The following EXOSC8 variants were observed in gnomAD, a reference collection of about 807,000 sequenced individuals.
The protein encoded by EXOSC8 is exosome component 8.
EXOSC8 carries 37 observed loss-of-function variants against 39.9 expected under a neutral mutation model. That is an observed-to-expected ratio of 0.93 (90% CI 0.71 to 1.22). EXOSC8 has a LOEUF of 1.22. EXOSC8 is among the 50% of genes most tolerant of loss of function. The pLI, the probability that EXOSC8 is intolerant of heterozygous loss-of-function variation, is 0.00. For synonymous variants in EXOSC8, 93 were observed against 109.5 expected, an observed-to-expected ratio of 0.85 and a Z score of 0.94; for missense variants, 313 against 326.6, an observed-to-expected ratio of 0.96 and a Z score of 0.32.
chr13:37,007,813 A>T lies in EXOSC8; in HGVS notation c.488-244A>T, dbSNP rs554202866. Among the ~76,000 whole-genome samples the T allele has an allele frequency of 1.3e-3, 198 of 151,788 alleles. 1 individual carries two copies. The highest frequency in any genetic ancestry group is 4.6e-3 in the African/African-American group (192 of 41,412). Reference sequence around the variant, plus strand: ...AACAGTACCTGGCAGATATAAATTTAAAAAAAAATCATTGACTTCTTAAAC... The same window carrying T: ...AACAGTACCTGGCAGATATAAATTTTAAAAAAAATCATTGACTTCTTAAAC... On this transcript the variant is annotated intron_variant, in intron 8 of 10. Transcript: ENST00000389704.
intron 3 of EXOSC8, 34 bp from the exon 4 acceptor site, chr13:37,002,900 T>C: frequency 6.8e-7 from 1 of 1,472,018 alleles, no homozygotes; most frequent in Non-Finnish European, 9.5e-7. Flanking sequence ...GCTGTTTTCC[T>C]TTTATGAACC....
chr13:37,004,223 A>C (rs1003039792), intron 4 of EXOSC8: 2 of 269,388 alleles, frequency 7.4e-6, no homozygotes, highest in Non-Finnish European at 1.4e-5. Flanking sequence ...TTGCTCTATC[A>C]TCTGGAGAAC....
chr13:37,002,415 G>C, intron 2 of EXOSC8, 73 bp from the exon 3 acceptor site: 2 of 1,331,716 alleles, frequency 1.5e-6, no homozygotes, highest in South Asian at 2.5e-5. Context: ...TTTAATGTGT[G>C]TGTAAAACTT....
At chr13:37,008,932 T>G in intron 10 of EXOSC8, 97 bp downstream of exon 10, 1 of 805,582 alleles carries the variant, frequency 1.2e-6, no homozygotes, top group Non-Finnish European at 2.1e-6. Context: ...GATATTTTAT[T>G]TACCTAATTT....
In EXOSC8 at chr13:37,008,750, T is replaced by C; in HGVS notation, c.630T>C (p.Pro210=). ...ATAGCACTTTGCTTATAGTTGACCC[T>C]ACTGGAGAGGAGGAACATCTGGCAA... is the stretch of plus-strand genomic sequence containing the variant. ...VFDDTLLIVD[P]TGEEEHLATG... is the part of the protein sequence containing the mutation. Residue 210 remains proline (P), a synonymous_variant, in exon 10 of 11, where the codon CCT becomes CCC. Transcript: ENST00000389704. 6.2e-7 allele frequency: 1 copy of C among 1,611,688 alleles called. No individual in the cohort carries two copies. Among genetic ancestry groups the C allele is most frequent in the South Asian group, 1.1e-5 (1 of 91,022 alleles).
chr13:37,007,901 T>C (rs1041237703), intron 8 of EXOSC8, among the ~76,000 whole-genome samples, 156 bp from the exon 9 acceptor site: 1 of 152,010 alleles, frequency 6.6e-6, no homozygotes, highest in African/African-American at 2.4e-5. Context: ...AAGCAATGTA[T>C]ATCCTCTATA....
chr13:37,000,884 T>A, intron 1 of EXOSC8, 62 bp downstream of exon 1: 1 of 1,437,604 alleles, frequency 7.0e-7, no homozygotes, highest in South Asian at 1.4e-5. Context: ...TTCCTTTAAC[T>A]CTTAGCTGGG....
In EXOSC8 at chr13:37,009,603, G is replaced by T; in HGVS notation, c.*304G>T. The T allele has an allele frequency of 6.3e-7, 1 of 1,587,336 alleles. No individual in the cohort carries two copies. Among genetic ancestry groups the T allele is most frequent in the Non-Finnish European group, 8.6e-7 (1 of 1,156,998 alleles). ...ACTGACACATTAAAAAAAACAAAAA[G>T]TAGAAACTCAATTCTTTTGATTCAG... is the stretch of plus-strand genomic sequence containing the variant. On this transcript the variant is annotated 3_prime_UTR_variant, in exon 11 of 11. Coordinates refer to ENST00000389704, the MANE Select transcript of EXOSC8 (RefSeq NM_181503.3).
rs2059219051 is a variant in EXOSC8, at chr13:37,009,530, A to G, written c.*231A>G. 3.8e-6 allele frequency: 4 copies of G among 1,061,606 alleles called. No homozygotes were observed. Among genetic ancestry groups the G allele is most frequent in the Non-Finnish European group, 4.2e-6 (3 of 711,020 alleles). The allele number at this position is 1,061,606 out of a possible 1,614,324, so 65.8% of individuals were successfully genotyped here. ...ATTTCCCTGTTTTTATTTAAAAATG[A>G]TAAGGTTGTGCTTCTGTATAAAGTT... On this transcript the variant is annotated 3_prime_UTR_variant, in exon 11 of 11. Transcript: ENST00000389704.
At chr13:37,003,338 A>G (rs1287990134) in intron 4 of EXOSC8, 6 of 208,298 alleles carry the variant, frequency 2.9e-5, no homozygotes. Context: ...ATGTGTAGAA[A>G]ATTGAAATTG....
In EXOSC8 at chr13:37,004,347, CCTT is replaced by C. The variant is rs2059124987; in HGVS notation, c.193-165_193-163del. 23 of 583,384 alleles carry C rather than the reference CCTT, an allele frequency of 3.9e-5. No homozygotes were observed. The East Asian group carries it at 6.3e-4, about 16-fold the overall frequency. The allele number at this position is 583,384 out of a possible 1,614,324, so 36.1% of individuals were successfully genotyped here. A position where few individuals can be genotyped will look rare whatever the true frequency, so the allele number is the denominator to read the frequency against. On this transcript the variant is annotated intron_variant, in intron 4 of 10. Coordinates refer to ENST00000389704, the MANE Select transcript of EXOSC8 (RefSeq NM_181503.3). ...TAGTGTAGTCCACTGTACTGTAGTG[CCTT>C]CTTATCTTGTAGAGCTATTGTGAGG...
intron 3 of EXOSC8, 61 bp from the exon 4 acceptor site, chr13:37,002,873 A>G (rs983402870): frequency 4.6e-6 from 5 of 1,087,736 alleles, no homozygotes; most frequent in Non-Finnish European, 7.1e-6. Flanking sequence ...TTTAATTATT[A>G]TGTGGATAAT....
intron 1 of EXOSC8, 79 bp from the exon 2 acceptor site, chr13:37,002,194 C>T (rs1593697202): frequency 9.1e-7 from 1 of 1,100,180 alleles, no homozygotes; most frequent in East Asian, 2.4e-5. Context: ...CATCACCACA[C>T]TTAAGATCTT....
chr13:37,001,066 G>T (rs2059097817), intron 1 of EXOSC8, among the ~76,000 whole-genome samples: 2 of 152,194 alleles, frequency 1.3e-5, no homozygotes, highest in Non-Finnish European at 2.9e-5. Context: ...GAGCGCTCGT[G>T]AGCGTGGTGT....
At chr13:37,008,025 C>A in intron 8 of EXOSC8, 32 bp from the exon 9 acceptor site, 1 of 1,490,654 alleles carries the variant, frequency 6.7e-7, no homozygotes, top group Non-Finnish European at 9.2e-7. Context: ...TTCTTAGAGA[C>A]TTACTTACTT....
chr13:37,006,246 C>A (rs1460039252), intron 7 of EXOSC8, 86 bp downstream of exon 7: 2 of 859,588 alleles, frequency 2.3e-6, no homozygotes, highest in Non-Finnish European at 3.7e-6. Context: ...GAAATTAAAA[C>A]CACCAATCAA....
intron 1 of EXOSC8, 73 bp downstream of exon 1, chr13:37,000,895 A>T: frequency 7.0e-7 from 1 of 1,434,100 alleles, no homozygotes; most frequent in Non-Finnish European, 9.2e-7. Context: ...CTTAGCTGGG[A>T]TTCTCTCACC....
chr13:37,005,145 A>T (rs7991057), intron 5 of EXOSC8, among the ~76,000 whole-genome samples: 138,714 of 152,192 alleles, frequency 0.91, 63,365 homozygotes, highest in East Asian at 1. Flanking sequence ...GAATTTTTTT[A>T]AGTCAAAGAA....
At position 37,002,324 on chromosome 13, in the gene EXOSC8, T is replaced by C. The variant is rs768071810; in HGVS notation, c.54+15T>C. 1 of 1,599,504 alleles carries C rather than the reference T, an allele frequency of 6.3e-7. No individual in the cohort carries two copies. The highest frequency in any genetic ancestry group is 1.1e-5 in the South Asian group (1 of 90,108). On this transcript the variant is annotated intron_variant, in intron 2 of 10. Transcript: ENST00000389704. The stretch of plus-strand genomic sequence containing the variant: ...GGAGATTTCTGGTGAGTAAAGGTTA[T>C]GTACATGTTATGCGTTTTGATAACG...
Sources: gnomAD v4.1 joint callset for allele counts (sites outside exome capture counted in the v4.1 genomes callset) on GRCh38, gnomAD v4.1.1 for gene constraint, MANE v1.5 for transcripts, NCBI Gene and HGNC (gene_info 2026-07-23, HGNC 2026-07-21) for gene names.